Variants in FMNL2 observed in about 807,000 individuals in gnomAD.
FMNL2 encodes formin like 2.
In FMNL2, 51 loss-of-function variants were observed where a neutral mutation model predicts 130.2. The ratio of observed to expected loss-of-function variants is 0.39; its 90% CI spans 0.31 to 0.49. The LOEUF (loss-of-function observed/expected upper bound fraction) is 0.49. Ranked by LOEUF, FMNL2 falls within the 20% of genes least tolerant of loss-of-function variation. The pLI is 0.85. For synonymous variants in FMNL2, 465 were observed against 467.1 expected, an observed-to-expected ratio of 1.00 and a Z score of 0.06; for missense variants, 977 against 1,316.2, an observed-to-expected ratio of 0.74 and a Z score of 3.99.
chr2:152,437,196 G>T (rs1687813436), intron 1 of FMNL2, among the ~76,000 whole-genome samples: 1 of 152,146 alleles, frequency 6.6e-6, no homozygotes, highest in Admixed American at 6.5e-5. Context: ...TCACATTGGA[G>T]ATTTAGAGAT....
At chr2:152,434,404 T>C (rs938888574) in intron 1 of FMNL2, among the ~76,000 whole-genome samples, 4 of 152,180 alleles carry the variant, frequency 2.6e-5, no homozygotes. Flanking sequence ...TGCAGCTAAA[T>C]CTGAATTTGA....
chr2:152,384,162 A>G (rs1026899877), intron 1 of FMNL2, among the ~76,000 whole-genome samples: 2 of 152,210 alleles, frequency 1.3e-5, no homozygotes, highest in African/African-American at 2.4e-5. Context: ...TTTATTTTCC[A>G]GGTGAGGAAA....
At chr2:152,637,415 G>A (rs1399864764) in intron 22 of FMNL2, among the ~76,000 whole-genome samples, 158 bp from the exon 23 acceptor site, 1 of 152,184 alleles carries the variant, frequency 6.6e-6, no homozygotes, top group Non-Finnish European at 1.5e-5. Flanking sequence ...GAGGAAACAC[G>A]GAGGCGTTAG....
At chr2:152,480,964 GTC>G (rs930863749) in intron 1 of FMNL2, among the ~76,000 whole-genome samples, 5 of 152,108 alleles carry the variant, frequency 3.3e-5, no homozygotes, top group Non-Finnish European at 7.3e-5. Flanking sequence ...TAATTTCAGA[GTC>G]TCTCTCTACA....
chr2:152,392,259 C>A (rs1330678844), intron 1 of FMNL2, among the ~76,000 whole-genome samples: 1 of 152,024 alleles, frequency 6.6e-6, no homozygotes, highest in Non-Finnish European at 1.5e-5. Context: ...CCACTTGGAT[C>A]CTGATTTAGT....
chr2:152,432,392 A>G (rs1687546542), intron 1 of FMNL2, among the ~76,000 whole-genome samples: 1 of 152,176 alleles, frequency 6.6e-6, no homozygotes, highest in South Asian at 2.1e-4. Context: ...CAGTTTTCTT[A>G]AGGTCTGATA....
rs768355910 is a variant in FMNL2 at position 152,619,548 on chromosome 2, C to CGCT, written c.1669_1670insTGC (p.Pro556_Pro557insLeu). ...GTAACACCACCTATGCCACCGCCGC[C>CGCT]GCCGCCCCCTCCTCCACCTCCTCCT... On this transcript the variant is annotated inframe_insertion, in exon 15 of 26. Transcript: ENST00000288670. 65 of 1,396,314 alleles carry CGCT rather than the reference C, an allele frequency of 4.7e-5. 1 individual carries two copies. The East Asian group carries it at 8.9e-4, about 19-fold the overall frequency. The allele number at this position is 1,396,314 out of a possible 1,614,324, so 86.5% of individuals were successfully genotyped here. A position where few individuals can be genotyped will look rare whatever the true frequency, so the allele number is the denominator to read the frequency against.
At chr2:152,530,540 C>T (rs1693630791) in intron 2 of FMNL2, among the ~76,000 whole-genome samples, 1 of 152,200 alleles carries the variant, frequency 6.6e-6, no homozygotes, top group Admixed American at 6.5e-5. Flanking sequence ...AAATAATTAA[C>T]TTCACCTTGT....
chr2:152,368,053 T>G (rs13432002), intron 1 of FMNL2, among the ~76,000 whole-genome samples: 22,635 of 152,164 alleles, frequency 0.15, 1,844 homozygotes, highest in East Asian at 0.2. Context: ...TGAGACTTAC[T>G]GGACTAGCTC....
intron 1 of FMNL2, among the ~76,000 whole-genome samples, chr2:152,343,458 G>C (rs1309820848): frequency 6.6e-6 from 1 of 152,120 alleles, no homozygotes; most frequent in Non-Finnish European, 1.5e-5. Flanking sequence ...ACCACACCCA[G>C]CTAGTTTTTG....
intron 1 of FMNL2, among the ~76,000 whole-genome samples, chr2:152,353,734 C>G (rs918107151): frequency 4.6e-5 from 7 of 152,168 alleles, no homozygotes; most frequent in Admixed American, 3.9e-4. Context: ...AGGTAAGCAC[C>G]TCACAAGAAG....
At chr2:152,359,786 T>C (rs989793881) in intron 1 of FMNL2, among the ~76,000 whole-genome samples, 1 of 152,234 alleles carries the variant, frequency 6.6e-6, no homozygotes, top group Non-Finnish European at 1.5e-5. Context: ...GTTTCTCTAC[T>C]TCTACAAGAG....
intron 25 of FMNL2, among the ~76,000 whole-genome samples, chr2:152,644,699 T>C (rs1272420049): frequency 6.6e-6 from 1 of 152,202 alleles, no homozygotes; most frequent in Non-Finnish European, 1.5e-5. Flanking sequence ...CACCGGTAGC[T>C]CTGTTCCATG....
At chr2:152,357,062 C>A (rs563018835) in intron 1 of FMNL2, among the ~76,000 whole-genome samples, 1 of 139,074 alleles carries the variant, frequency 7.2e-6, no homozygotes, top group Non-Finnish European at 1.6e-5. Context: ...ATAAATATTA[C>A]ATAAGTTTAA....
At chr2:152,631,966 C>T (rs1162565760) in intron 20 of FMNL2, 42 bp from the exon 21 acceptor site, 1 of 1,583,416 alleles carries the variant, frequency 6.3e-7, no homozygotes, top group African/African-American at 1.4e-5. Flanking sequence ...GTCTTGTTAC[C>T]CTTTACTCTT....
intron 3 of FMNL2, among the ~76,000 whole-genome samples, chr2:152,548,312 G>A (rs995543852): frequency 6.6e-6 from 1 of 152,200 alleles, no homozygotes; most frequent in Non-Finnish European, 1.5e-5. Flanking sequence ...CCCTTGGCTG[G>A]CATCTAGGAA....
At chr2:152,359,606 G>T (rs1048726915) in intron 1 of FMNL2, among the ~76,000 whole-genome samples, 1 of 151,780 alleles carries the variant, frequency 6.6e-6, no homozygotes, top group Non-Finnish European at 1.5e-5. Flanking sequence ...ACATACAGAG[G>T]ATCATCTTGG....
chr2:152,447,581 TGTA>T (rs747217679), intron 1 of FMNL2, among the ~76,000 whole-genome samples: 12 of 152,220 alleles, frequency 7.9e-5, no homozygotes, highest in Non-Finnish European at 1.2e-4. Flanking sequence ...TTCCTTTTGA[TGTA>T]GTCAATTTGT....
At chr2:152,495,653 C>CAAAAAATAAAAAAAAAAAA (rs1691468840) in intron 1 of FMNL2, among the ~76,000 whole-genome samples, 1 of 48,546 alleles carries the variant, frequency 2.1e-5, no homozygotes, top group Non-Finnish European at 3.9e-5. Flanking sequence ...TCCGTCTCAC[C>CAAAAAATAAAAAAAAAAAA]AAAAAAAAAA....
Sources: gnomAD v4.1 joint callset for allele counts (sites outside exome capture counted in the v4.1 genomes callset) on GRCh38, gnomAD v4.1.1 for gene constraint, MANE v1.5 for transcripts, NCBI Gene and HGNC (gene_info 2026-07-23, HGNC 2026-07-21) for gene names.